ARHGAP10: variants seen among roughly 807,000 people sequenced by gnomAD.
The protein encoded by ARHGAP10 is rho GTPase-activating protein 10.
Under a neutral mutation model 108.6 loss-of-function variants are expected in ARHGAP10, and 87 were observed. The observed-to-expected ratio is 0.80, with a 90% CI of 0.67 to 0.96. The LOEUF (loss-of-function observed/expected upper bound fraction) is 0.96, where lower values mean the gene tolerates loss of function less well. Among genes scored for constraint, ARHGAP10 ranks in the 40% least tolerant of loss-of-function variants. The pLI, the probability that ARHGAP10 is intolerant of heterozygous loss-of-function variation, is 0.00. For missense variants in ARHGAP10, 939 were observed against 954.5 expected, an observed-to-expected ratio of 0.98 and a Z score of 0.21; for synonymous variants, 347 against 341.1, an observed-to-expected ratio of 1.02 and a Z score of -0.19.
chr4:147,783,764 TTATTA>T (rs1198466406), intron 1 of ARHGAP10, among the ~76,000 whole-genome samples: 3 of 145,888 alleles, frequency 2.1e-5, no homozygotes, highest in Non-Finnish European at 4.5e-5. Context: ...ACACATTAAA[TTATTA>T]TATTTATATA....
In ARHGAP10 at chr4:147,955,367, TC is replaced by T. The variant is rs1320671940; in HGVS notation, c.1445del (p.Pro482GlnfsTer33). 1.1e-5 allele frequency: 18 copies of T among 1,610,670 alleles called. No homozygotes were observed. The highest frequency in any genetic ancestry group is 3.3e-5 in the Admixed American group (2 of 59,912). On this transcript the variant is annotated frameshift_variant, in exon 16 of 23. Transcript: ENST00000336498. LOFTEE classifies it high-confidence loss of function. ...TYELHGDFIVPAKSGSPESRV... is the reference protein window; with the variant it reads ...TYELHGDFIVXAKSGSPESRV... ...ATGAGTTACATGGAGATTTCATTGT[TC>T]CAGCCAGTAAGTATTATGTAAAGGT...
chr4:147,892,959 A>C (rs887701154), intron 10 of ARHGAP10, among the ~76,000 whole-genome samples: 1 of 152,216 alleles, frequency 6.6e-6, no homozygotes, highest in Non-Finnish European at 1.5e-5. Flanking sequence ...ACAAAACATC[A>C]TCTGCTCCAA....
chr4:147,988,763 G>T (rs1464712769), intron 18 of ARHGAP10, among the ~76,000 whole-genome samples: 3 of 152,142 alleles, frequency 2.0e-5, no homozygotes, highest in African/African-American at 7.2e-5. Context: ...ACACTTCCGT[G>T]TAGGAACTGA....
intron 20 of ARHGAP10, among the ~76,000 whole-genome samples, chr4:148,050,580 A>G (rs1729092922): frequency 6.6e-6 from 1 of 151,536 alleles, no homozygotes; most frequent in South Asian, 2.1e-4. Context: ...TCACTGCGTT[A>G]GCCAGGATGG....
intron 10 of ARHGAP10, among the ~76,000 whole-genome samples, chr4:147,899,372 T>C (rs1736135687): frequency 6.6e-6 from 1 of 152,064 alleles, no homozygotes; most frequent in African/African-American, 2.4e-5. Flanking sequence ...TGTCTTTGTC[T>C]TCTGTCCAGG....
chr4:148,043,651 A>T (rs1306368348), intron 19 of ARHGAP10, among the ~76,000 whole-genome samples: 4 of 110,756 alleles, frequency 3.6e-5, no homozygotes, highest in Non-Finnish European at 5.6e-5. Flanking sequence ...ATATATATAT[A>T]TTTTAGGTGT....
chr4:147,916,617 A>G (rs1007505330), intron 13 of ARHGAP10: 1 of 152,208 alleles, frequency 6.6e-6, no homozygotes, highest in South Asian at 2.1e-4. Flanking sequence ...AACATCATTA[A>G]TTGCATTCAC....
At chr4:147,891,121 C>T (rs1318947520) in intron 10 of ARHGAP10, among the ~76,000 whole-genome samples, 1 of 152,160 alleles carries the variant, frequency 6.6e-6, no homozygotes, top group East Asian at 1.9e-4. Flanking sequence ...AAATTCTGCT[C>T]CTAGCTATAC....
chr4:147,911,669 T>G (rs1736743979), intron 12 of ARHGAP10, among the ~76,000 whole-genome samples: 2 of 152,148 alleles, frequency 1.3e-5, no homozygotes, highest in South Asian at 4.2e-4. Context: ...GCCTCTTAAC[T>G]TAATTTTTGA....
chr4:148,011,025 T>C (rs1039147547), intron 18 of ARHGAP10, among the ~76,000 whole-genome samples: 4 of 152,222 alleles, frequency 2.6e-5, no homozygotes, highest in African/African-American at 9.7e-5. Context: ...TACAGGACAA[T>C]TGTTTTATAA....
chr4:147,942,745 A>T (rs190639591), intron 14 of ARHGAP10, among the ~76,000 whole-genome samples: 20 of 152,348 alleles, frequency 1.3e-4, no homozygotes, highest in African/African-American at 4.6e-4. Context: ...CAGGTAAAGG[A>T]GCAGGCAGCT....
rs754900133 is a variant in ARHGAP10, at chr4:147,946,705, G to T, written c.1391+1G>T. On this transcript the variant is annotated splice_donor_variant, in intron 15 of 22. Coordinates refer to ENST00000336498, the MANE Select transcript of ARHGAP10 (RefSeq NM_024605.4). LOFTEE classifies it high-confidence loss of function. ...CAAGTGCCTTGAAACAGTATTTGAGGTAAGCTCCTCTCAGTAGCAAGAAAG... is the reference window on the plus strand; with the variant it reads ...CAAGTGCCTTGAAACAGTATTTGAGTTAAGCTCCTCTCAGTAGCAAGAAAG... The T allele has an allele frequency of 6.3e-7, 1 of 1,598,136 alleles. No homozygotes were observed. Among genetic ancestry groups the T allele is most frequent in the South Asian group, 1.1e-5 (1 of 87,190 alleles).
rs796146546 is a variant in ARHGAP10 at position 147,738,551 on chromosome 4, TC to T, written c.154+6105del. Among the ~76,000 whole-genome samples the T allele has an allele frequency of 8.0e-3, 1,206 of 151,158 alleles. 11 individuals are homozygous for T. The highest frequency in any genetic ancestry group is 0.027 in the African/African-American group (1,115 of 40,898). On this transcript the variant is annotated intron_variant, in intron 1 of 22. Coordinates refer to ENST00000336498, the MANE Select transcript of ARHGAP10 (RefSeq NM_024605.4). ...CTGGGCAACTGAGTGAGACTCTGTC[TC>T]CCCCCCCCAAAAAAAATTATAATAC...
Position 147,864,903 on chromosome 4 carries a change from G to A in ARHGAP10, c.544G>A (p.Val182Met). 1 of 1,614,160 alleles carries A rather than the reference G, an allele frequency of 6.2e-7. No individual in the cohort carries two copies. Among genetic ancestry groups the A allele is most frequent in the Non-Finnish European group, 8.5e-7 (1 of 1,180,008 alleles). ...QHFYELSLEY[V>M]CKLQEIQERK... is the part of the protein sequence containing the mutation. Reference sequence around the variant, plus strand: ...CTTCTATGAACTGTCTCTCGAGTATGTGTGTAAGCTGCAGGAAATCCAAGA... The same window carrying A: ...CTTCTATGAACTGTCTCTCGAGTATATGTGTAAGCTGCAGGAAATCCAAGA... Residue 182 changes from valine (V) to methionine (M), a missense_variant, in exon 6 of 23, where the codon GTG becomes ATG. Val to Met is a conservative substitution (Grantham distance 21). Coordinates refer to ENST00000336498, the MANE Select transcript of ARHGAP10 (RefSeq NM_024605.4).
chr4:147,977,130 T>C (rs1739625939), intron 18 of ARHGAP10, among the ~76,000 whole-genome samples: 1 of 152,224 alleles, frequency 6.6e-6, no homozygotes, highest in African/African-American at 2.4e-5. Flanking sequence ...CCTAGCTTAG[T>C]GTTTAGAACT....
chr4:147,826,783 A>C (rs989472216), intron 3 of ARHGAP10, among the ~76,000 whole-genome samples: 1 of 152,228 alleles, frequency 6.6e-6, no homozygotes, highest in Non-Finnish European at 1.5e-5. Flanking sequence ...ACTTAAAAAA[A>C]CACAGTATCC....
intron 18 of ARHGAP10, 63 bp downstream of exon 18, chr4:147,966,902 A>G (rs1739226079): frequency 7.7e-7 from 1 of 1,297,390 alleles, no homozygotes; most frequent in African/African-American, 1.5e-5. Context: ...CTACACAACG[A>G]TCCTCTTAGA....
chr4:147,757,507 G>C (rs761306789), intron 1 of ARHGAP10, among the ~76,000 whole-genome samples: 60 of 152,138 alleles, frequency 3.9e-4, no homozygotes, highest in Non-Finnish European at 7.2e-4. Context: ...GGGCAGTGTA[G>C]CTTTGAGAGA....
At chr4:147,785,055 A>G (rs1348636250) in intron 1 of ARHGAP10, among the ~76,000 whole-genome samples, 1 of 133,988 alleles carries the variant, frequency 7.5e-6, no homozygotes, top group Non-Finnish European at 1.6e-5. Flanking sequence ...TGATTCCAAG[A>G]TGATGAAATG....
Sources: gnomAD v4.1 joint callset for allele counts (sites outside exome capture counted in the v4.1 genomes callset) on GRCh38, gnomAD v4.1.1 for gene constraint, MANE v1.5 for transcripts, NCBI Gene and HGNC (gene_info 2026-07-23, HGNC 2026-07-21) for gene names.